Variants in FHOD3 observed in about 807,000 individuals in gnomAD.
The protein encoded by FHOD3 is FH1/FH2 domain-containing protein 3.
Under a neutral mutation model 173.0 loss-of-function variants are expected in FHOD3, and 90 were observed. That is an observed-to-expected ratio of 0.52 (90% confidence interval 0.44 to 0.62). The LOEUF (loss-of-function observed/expected upper bound fraction) is 0.62, where lower values mean the gene tolerates loss of function less well. FHOD3 is among the 20% of genes least tolerant of loss of function. The pLI is 0.00. For synonymous variants in FHOD3, 828 were observed against 823.0 expected (o/e 1.01, Z -0.10); for missense variants, 1,945 against 2,034.7 (o/e 0.96, Z 0.85).
chr18:36,379,835 CAACTT>C (rs1212403342), intron 3 of FHOD3, among the ~76,000 whole-genome samples: 2 of 152,148 alleles, frequency 1.3e-5, no homozygotes, highest in Non-Finnish European at 2.9e-5. Context: ...CATGAAGAGA[CAACTT>C]TATTTTTGGC....
intron 22 of FHOD3, among the ~76,000 whole-genome samples, chr18:36,743,308 CAAAAAAAAAAAAAA>C (rs57694311): frequency 4.6e-5 from 3 of 65,876 alleles, no homozygotes; most frequent in African/African-American, 1.8e-4. Context: ...GACTCTGTCT[CAAAAAAAAAAAAAA>C]AAAAAAAAAA....
intron 2 of FHOD3, among the ~76,000 whole-genome samples, chr18:36,363,666 C>T (rs1485324867): frequency 6.6e-6 from 1 of 151,912 alleles, no homozygotes; most frequent in Non-Finnish European, 1.5e-5. Context: ...GAGGGATGAA[C>T]AGGTGGAGCA....
At chr18:36,639,042 G>A (rs1172492071) in intron 10 of FHOD3, among the ~76,000 whole-genome samples, 1 of 152,152 alleles carries the variant, frequency 6.6e-6, no homozygotes, top group Non-Finnish European at 1.5e-5. Context: ...GGTGAAATAA[G>A]ACCTGGATCC....
chr18:36,668,189 T>C (rs1345331836), intron 14 of FHOD3, among the ~76,000 whole-genome samples: 1 of 152,188 alleles, frequency 6.6e-6, no homozygotes, highest in Non-Finnish European at 1.5e-5. Flanking sequence ...TCAATGCCTC[T>C]AATAGATATT....
chr18:36,519,493 T>C (rs4799424), intron 5 of FHOD3, among the ~76,000 whole-genome samples: 3 of 152,134 alleles, frequency 2.0e-5, no homozygotes, highest in Admixed American at 6.5e-5. Context: ...AGGAGGGTGG[T>C]TTGGAGGCTC....
At chr18:36,355,904 C>A (rs1293480364) in intron 2 of FHOD3, among the ~76,000 whole-genome samples, 1 of 152,158 alleles carries the variant, frequency 6.6e-6, no homozygotes, top group Non-Finnish European at 1.5e-5. Context: ...TATTTATATG[C>A]TAAGTTATTT....
Position 36,355,532 on chromosome 18 carries a change from C to G in FHOD3, c.166-7C>G. ...AGGTTGGGTATAACAGGCTCTTTCTCTTGCAGCTGGATGACTGTACTCTGC... is the reference window on the plus strand; with the variant it reads ...AGGTTGGGTATAACAGGCTCTTTCTGTTGCAGCTGGATGACTGTACTCTGC... On this transcript the variant is annotated splice_region_variant and splice_polypyrimidine_tract_variant and intron_variant, in intron 1 of 28. Transcript: ENST00000590592. 1.9e-6 allele frequency: 3 copies of G among 1,613,840 alleles called. No individual in the cohort carries two copies. Among genetic ancestry groups the G allele is most frequent in the South Asian group, 2.2e-5 (2 of 91,060 alleles).
At chr18:36,394,639 CG>C (rs1466983850) in intron 3 of FHOD3, among the ~76,000 whole-genome samples, 4 of 152,184 alleles carry the variant, frequency 2.6e-5, no homozygotes, top group African/African-American at 9.7e-5. Flanking sequence ...TGAATCATCA[CG>C]GGTGTTCTCT....
intron 23 of FHOD3, among the ~76,000 whole-genome samples, chr18:36,746,075 C>A (rs2042144326): frequency 6.6e-6 from 1 of 152,030 alleles, no homozygotes; most frequent in Non-Finnish European, 1.5e-5. Flanking sequence ...CTAAAAATCT[C>A]TCTGATTTAT....
chr18:36,501,915 T>G lies in FHOD3; in HGVS notation c.338-17T>G. On this transcript the variant is annotated splice_polypyrimidine_tract_variant and intron_variant, in intron 3 of 28. Transcript: ENST00000590592. ...GAGTCAGTTTAATTAATTTATATGT[T>G]TTATTCTTTATTTCAGAAAAACTAT... 6.4e-7 allele frequency: 1 copy of G among 1,557,960 alleles called. No homozygotes were observed. Among genetic ancestry groups the G allele is most frequent in the African/African-American group, 1.4e-5 (1 of 72,902 alleles).
intron 6 of FHOD3, among the ~76,000 whole-genome samples, chr18:36,590,227 G>A (rs1188436892): frequency 2.6e-5 from 4 of 152,156 alleles, no homozygotes; most frequent in Non-Finnish European, 4.4e-5. Flanking sequence ...CACCAAGGGT[G>A]GATTTTTAAG....
At chr18:36,771,845 G>C (rs2043397376) in intron 28 of FHOD3, among the ~76,000 whole-genome samples, 1 of 152,220 alleles carries the variant, frequency 6.6e-6, no homozygotes, top group African/African-American at 2.4e-5. Flanking sequence ...CCTGACAGAG[G>C]GTTGGAAGGT....
chr18:36,508,188 CTTAAGT>C (rs2055410017), intron 4 of FHOD3, among the ~76,000 whole-genome samples: 1 of 151,782 alleles, frequency 6.6e-6, no homozygotes, highest in African/African-American at 2.4e-5. Context: ...AATTAGGATT[CTTAAGT>C]TTAACAACTC....
intron 19 of FHOD3, among the ~76,000 whole-genome samples, chr18:36,720,671 T>A (rs1417978376): frequency 6.6e-6 from 1 of 152,054 alleles, no homozygotes. Context: ...CTGACCTAAT[T>A]GGACAGAATA....
rs73948007 is a variant in FHOD3, at chr18:36,513,014, T to G, written c.511+471T>G. 8.3e-3 allele frequency among the ~76,000 whole-genome samples: 1,266 copies of G among 152,336 alleles called. 11 individuals are homozygous for G. Among genetic ancestry groups the G allele is most frequent in the African/African-American group, 0.029 (1,193 of 41,562 alleles). ...TCTTCCTGTTTCTGATTCGATAGTT[T>G]TGAGCGGGTCCGGGATTTGCCTTTT... On this transcript the variant is annotated intron_variant, in intron 5 of 28. Coordinates refer to ENST00000590592, the MANE Select transcript of FHOD3 (RefSeq NM_001281740.3).
intron 3 of FHOD3, among the ~76,000 whole-genome samples, chr18:36,386,601 T>A (rs1387935603): frequency 2.0e-5 from 3 of 152,116 alleles, no homozygotes; most frequent in Admixed American, 2.0e-4. Flanking sequence ...AAGAGTGGGA[T>A]CAGTGAGGGT....
At chr18:36,502,257 CTAT>C (rs1249884350) in intron 4 of FHOD3, among the ~76,000 whole-genome samples, 3 of 143,930 alleles carry the variant, frequency 2.1e-5, no homozygotes, top group South Asian at 2.2e-4. Context: ...TTTTTTTTAA[CTAT>C]TATTATACTT....
intron 5 of FHOD3, among the ~76,000 whole-genome samples, chr18:36,573,241 A>G (rs531112): frequency 6.6e-6 from 1 of 151,902 alleles, no homozygotes; most frequent in African/African-American, 2.4e-5. Flanking sequence ...AAATACATCC[A>G]AAGAATATAT....
intron 3 of FHOD3, among the ~76,000 whole-genome samples, chr18:36,381,710 T>A (rs575261963): frequency 6.6e-6 from 1 of 152,326 alleles, no homozygotes; most frequent in South Asian, 2.1e-4. Flanking sequence ...AATTATTTGT[T>A]GTTAAAGAAA....
Sources: gnomAD v4.1 joint callset for allele counts (sites outside exome capture counted in the v4.1 genomes callset) on GRCh38, gnomAD v4.1.1 for gene constraint, MANE v1.5 for transcripts, NCBI Gene and HGNC (gene_info 2026-07-23, HGNC 2026-07-21) for gene names.